Variants in TGM7 observed in about 807,000 individuals in gnomAD.
TGM7 encodes the protein transglutaminase 7, also known as protein-glutamine gamma-glutamyltransferase Z.
A neutral mutation model predicts 79.5 loss-of-function variants in TGM7; 74 were observed. The ratio of observed to expected loss-of-function variants is 0.93; its 90% CI spans 0.77 to 1.13. The LOEUF (loss-of-function observed/expected upper bound fraction) is 1.13. Among genes scored for constraint, TGM7 ranks in the 50% most tolerant of loss-of-function variants. The pLI is 0.00. For synonymous variants in TGM7, 354 were observed against 362.5 expected, an observed-to-expected ratio of 0.98 and a Z score of 0.27; for missense variants, 912 against 905.9, an observed-to-expected ratio of 1.01 and a Z score of -0.09.
At chr15:43,296,489 T>C (rs2042993233) in intron 1 of TGM7, among the ~76,000 whole-genome samples, 1 of 151,236 alleles carries the variant, frequency 6.6e-6, no homozygotes, top group Non-Finnish European at 1.5e-5. Flanking sequence ...ACTGGTTGCT[T>C]CTCATTTGTT....
chr15:43,300,234 T>C (rs902884590), intron 1 of TGM7, among the ~76,000 whole-genome samples: 6 of 152,256 alleles, frequency 3.9e-5, no homozygotes, highest in African/African-American at 1.4e-4. Flanking sequence ...CTAAGTTTTA[T>C]GGAACTCCAG....
In TGM7 at chr15:43,292,101, A is replaced by G. The variant is rs1174992715; in HGVS notation, c.440-4T>C. ...CTTGGCAGGTAGACGTCGTCCTCTG[A>G]GCAGTTAAGAGTAGTGGAGGGGGCA... On this transcript the variant is annotated splice_polypyrimidine_tract_variant and splice_region_variant and intron_variant, in intron 3 of 12. Transcript: ENST00000452443. The G allele has an allele frequency of 6.2e-7, 1 of 1,610,002 alleles. No homozygotes were observed. Among genetic ancestry groups the G allele is most frequent in the South Asian group, 1.1e-5 (1 of 90,982 alleles).
At chr15:43,286,692 G>T (rs1317115468) in intron 6 of TGM7, among the ~76,000 whole-genome samples, 1 of 152,176 alleles carries the variant, frequency 6.6e-6, no homozygotes, top group Non-Finnish European at 1.5e-5. Flanking sequence ...ACAGATTCTG[G>T]CCTTGCAAGG....
At chr15:43,278,410 TCAC>T (rs1254388084) in intron 11 of TGM7, among the ~76,000 whole-genome samples, 2 of 152,214 alleles carry the variant, frequency 1.3e-5, no homozygotes, top group Non-Finnish European at 2.9e-5. Context: ...AATCTGAAGT[TCAC>T]TTTTCATTTG....
intron 4 of TGM7, 41 bp from the exon 5 acceptor site, chr15:43,287,710 T>C (rs1167570603): frequency 1.3e-6 from 2 of 1,579,288 alleles, no homozygotes; most frequent in Non-Finnish European, 8.6e-7. Flanking sequence ...GAAGAGCAAA[T>C]GTCTAGACTT....
chr15:43,287,360 A>G lies in TGM7; in HGVS notation c.785T>C (p.Ile262Thr). The G allele has an allele frequency of 6.2e-7, 1 of 1,614,154 alleles. No individual in the cohort carries two copies. The highest frequency in any genetic ancestry group is 8.5e-7 in the Non-Finnish European group (1 of 1,180,010). ...SPLEWKGSVAILQQWSARGGQ... is the reference protein window; with the variant it reads ...SPLEWKGSVATLQQWSARGGQ... ...GCCCCTGGCTGACCACTGCTGTAGG[A>G]TGGCCACACTGCCCTTCCACTCCAG... Residue 262 changes from isoleucine to threonine, a missense_variant, in exon 6 of 13, where the codon ATC becomes ACC. Transcript: ENST00000452443.
intron 9 of TGM7, among the ~76,000 whole-genome samples, chr15:43,280,328 T>TA (rs1189301160): frequency 6.6e-6 from 1 of 151,914 alleles, no homozygotes; most frequent in African/African-American, 2.4e-5. Context: ...GCTCGAAACA[T>TA]AAAAAAGAGC....
intron 1 of TGM7, among the ~76,000 whole-genome samples, chr15:43,297,587 T>TAGAAAGAAAGAAAGAA (rs3038034): frequency 0.13 from 14,927 of 114,286 alleles, 1,198 homozygotes; most frequent in Admixed American, 0.19. Flanking sequence ...TCTGCATGTA[T>TAGAAAGAAAGAAAGAA]AGAAAGAAAG....
chr15:43,297,932 T>A (rs1157474350), intron 1 of TGM7, among the ~76,000 whole-genome samples: 1 of 152,264 alleles, frequency 6.6e-6, no homozygotes, highest in African/African-American at 2.4e-5. Context: ...CTCAGCCATC[T>A]TCAAATGCAG....
At chr15:43,300,423 TCTTAA>T (rs2043019962) in intron 1 of TGM7, among the ~76,000 whole-genome samples, 1 of 152,200 alleles carries the variant, frequency 6.6e-6, no homozygotes. Context: ...AGAACCTAGT[TCTTAA>T]CTTCTGGCTG....
chr15:43,299,293 G>T (rs1352292751), intron 1 of TGM7, among the ~76,000 whole-genome samples: 1 of 152,184 alleles, frequency 6.6e-6, no homozygotes, highest in East Asian at 1.9e-4. Context: ...CAGAGGGGAA[G>T]AAGAGAAGGA....
At chr15:43,278,918 T>C (rs2042891178) in intron 11 of TGM7, among the ~76,000 whole-genome samples, 199 bp downstream of exon 11, 1 of 152,220 alleles carries the variant, frequency 6.6e-6, no homozygotes, top group South Asian at 2.1e-4. Flanking sequence ...ATGCATCCTC[T>C]GAAAAATAGC....
intron 10 of TGM7, 36 bp downstream of exon 10, chr15:43,279,589 C>CCTGTA: frequency 6.5e-7 from 1 of 1,534,538 alleles, no homozygotes; most frequent in Non-Finnish European, 8.8e-7. Context: ...AGCTCCCCTC[C>CCTGTA]CTGTAGGTGC....
chr15:43,302,022 G>A, intron 1 of TGM7: 1 of 610,372 alleles, frequency 1.6e-6, no homozygotes. Context: ...AGAAAAGGCT[G>A]TTCACAGCTT....
chr15:43,297,610 A>AAAGG (rs1291916698), intron 1 of TGM7, among the ~76,000 whole-genome samples: 3 of 150,388 alleles, frequency 2.0e-5, no homozygotes, highest in African/African-American at 7.4e-5. Flanking sequence ...AGAAAGAAAG[A>AAAGG]AAGAAAGAAA....
At chr15:43,302,101 A>T in intron 1 of TGM7, 140 bp downstream of exon 1, 1 of 940,672 alleles carries the variant, frequency 1.1e-6, no homozygotes, top group Non-Finnish European at 1.7e-6. Flanking sequence ...AAGTAAGAAG[A>T]AGGAGCCGTA....
chr15:43,301,560 G>A (rs1385555260), intron 1 of TGM7, among the ~76,000 whole-genome samples: 1 of 150,864 alleles, frequency 6.6e-6, no homozygotes, highest in African/African-American at 2.4e-5. Flanking sequence ...AACTCAGGAG[G>A]CAGAGGATGC....
intron 1 of TGM7, among the ~76,000 whole-genome samples, chr15:43,297,166 AG>A (rs997967482): frequency 6.6e-6 from 1 of 152,146 alleles, no homozygotes. Flanking sequence ...TTTAAGAAAA[AG>A]GAGACAGGCC....
chr15:43,291,185 A>T (rs1421749844), intron 4 of TGM7, among the ~76,000 whole-genome samples: 1 of 152,212 alleles, frequency 6.6e-6, no homozygotes. Context: ...ATTCAGTATG[A>T]TATTGGCTGT....
Sources: gnomAD v4.1 joint callset for allele counts (sites outside exome capture counted in the v4.1 genomes callset) on GRCh38, gnomAD v4.1.1 for gene constraint, MANE v1.5 for transcripts, NCBI Gene and HGNC (gene_info 2026-07-23, HGNC 2026-07-21) for gene names.